The following BCL9L variants were observed in gnomAD, a reference collection of about 807,000 sequenced individuals.
BCL9L encodes BCL9 like.
A neutral mutation model predicts 99.4 loss-of-function variants in BCL9L; 19 were observed. The observed-to-expected ratio is 0.19, with a 90% CI of 0.13 to 0.28. The LOEUF is 0.28. Among genes scored for constraint, BCL9L ranks in the 10% least tolerant of loss-of-function variants. BCL9L has a pLI of 1.00. For synonymous variants in BCL9L, 900 were observed against 854.8 expected, an observed-to-expected ratio of 1.05 and a Z score of -0.92; for missense variants, 2,023 against 2,101.6, an observed-to-expected ratio of 0.96 and a Z score of 0.73.
rs763864247 is a variant in BCL9L, at chr11:118,909,878, C to G, written c.26+36G>C. ...TGGGCCCTTCCCTTCCCGCACTCCACACACACACATCCCACCCGCCACGAC... is the reference window on the plus strand; with the variant it reads ...TGGGCCCTTCCCTTCCCGCACTCCAGACACACACATCCCACCCGCCACGAC... On this transcript the variant is annotated intron_variant, in intron 3 of 9. Coordinates refer to ENST00000683865, the MANE Select transcript of BCL9L (RefSeq NM_001378213.1). 1.9e-6 allele frequency: 3 copies of G among 1,613,806 alleles called. No individual in the cohort carries two copies. The South Asian group carries it at 3.3e-5, about 18-fold the overall frequency.
chr11:118,925,719 G>A lies in BCL9L; in HGVS notation c.-612C>T, dbSNP rs1309167705. 6.6e-6 allele frequency: 1 copy of A among 150,722 alleles called. No individual in the cohort carries two copies. Among genetic ancestry groups the A allele is most frequent in the African/African-American group, 2.4e-5 (1 of 41,206 alleles). The allele number at this position is 150,722 out of a possible 1,614,324, so 9.3% of individuals were successfully genotyped here. ...TGTTGGTCGGACTCCGAGGGTCCGG[G>A]TCACAGCCCCCGGGCGGCGCGGCGC... is the stretch of plus-strand genomic sequence containing the variant. On this transcript the variant is annotated 5_prime_UTR_variant, in exon 1 of 10. Coordinates refer to ENST00000683865, the MANE Select transcript of BCL9L (RefSeq NM_001378213.1). This position sits in a 1 kb window ranked among gnomAD's most constrained non-coding sequence, Gnocchi z 6.4.
intron 2 of BCL9L, among the ~76,000 whole-genome samples, chr11:118,913,977 C>T (rs1049028583): frequency 2.6e-5 from 4 of 152,146 alleles, no homozygotes; most frequent in Non-Finnish European, 5.9e-5. Context: ...TTAGCCCCAC[C>T]GGCCCAAATA....
In BCL9L at chr11:118,902,635, C is replaced by T. The variant is rs769198464; in HGVS notation, c.1108G>A (p.Asp370Asn). The change falls in exon 8 of 10, where the codon GAC becomes AAC. Residue 370 changes from aspartate (D) to asparagine (N), a missense_variant. Physicochemically the swap from Asp to Asn is conservative, Grantham distance 23. This residue lies in a region of BCL9L where 1,116 missense variants were observed against 1,194.6 expected (regional missense o/e 0.93). Transcript: ENST00000683865. The surrounding 1 kb of genome is among the most constrained non-coding windows in gnomAD (Gnocchi z 7.8). ...TANNPLPPGG[D>N]PSSAPGPALL... ...GCAGGGCCGGGGGCACTGCTGGGGTCTCCTCCAGGAGGCAGAGGGTTGTTG... is the reference window on the plus strand; with the variant it reads ...GCAGGGCCGGGGGCACTGCTGGGGTTTCCTCCAGGAGGCAGAGGGTTGTTG... 2.5e-6 allele frequency: 4 copies of T among 1,599,640 alleles called. No individual in the cohort carries two copies. In the Admixed American group the frequency reaches 5.0e-5, roughly 20 times the overall value.
At position 118,901,020 on chromosome 11, in the gene BCL9L, C is replaced by A; in HGVS notation, c.2723G>T (p.Arg908Leu). Reference protein sequence around the residue: ...PPGTVHSAPNRGLGRRPSDLT... With the variant: ...PPGTVHSAPNLGLGRRPSDLT... ...GTCCGAAGGCCGCCTGCCTAGCCCC[C>A]GGTTTGGGGCTGAATGCACGGTCCC... is the stretch of plus-strand genomic sequence containing the variant. Residue 908 changes from arginine (R) to leucine (L), a missense_variant, in exon 8 of 10, where the codon CGG becomes CTG. Coordinates refer to ENST00000683865, the MANE Select transcript of BCL9L (RefSeq NM_001378213.1). The surrounding 1 kb of genome is among the most constrained non-coding windows in gnomAD (Gnocchi z 6.6). 6.4e-7 allele frequency: 1 copy of A among 1,561,670 alleles called. No individual in the cohort carries two copies.
intron 2 of BCL9L, 61 bp from the exon 3 acceptor site, chr11:118,910,076 G>A: frequency 8.2e-7 from 1 of 1,225,118 alleles, no homozygotes. Context: ...CAGAGGGGGA[G>A]GGGAGAAGGG....
rs1940068217 is a variant in BCL9L at position 118,899,009 on chromosome 11, T to C, written c.3906A>G (p.Ala1302=). 8 of 1,613,700 alleles carry C rather than the reference T, an allele frequency of 5.0e-6. No individual in the cohort carries two copies. The highest frequency in any genetic ancestry group is 6.8e-6 in the Non-Finnish European group (8 of 1,179,964). The change falls in exon 10 of 10, where the codon GCA becomes GCG. Residue 1302 remains alanine (A), a synonymous_variant. Coordinates refer to ENST00000683865, the MANE Select transcript of BCL9L (RefSeq NM_001378213.1). The part of the protein sequence containing the change: ...AYPPGVLPGV[A]SVLNDPELSE... Reference sequence around the variant, plus strand: ...TCAGCTCGGGGTCGTTCAGCACTGATGCCACCCCAGGGAGCACACCCGGTG... The same window carrying C: ...TCAGCTCGGGGTCGTTCAGCACTGACGCCACCCCAGGGAGCACACCCGGTG...
Position 118,898,733 on chromosome 11 carries a change from A to G in BCL9L, c.4182T>C (p.Pro1394=), listed in dbSNP as rs7104819. Residue 1394 remains proline, a synonymous_variant, in exon 10 of 10, where the codon CCT becomes CCC. Transcript: ENST00000683865. ...TCCTGCCCAGCAAGGACATCTGTCC[A>G]GGGTGGCACATGGACATGTTGAGCC... ...QRGLNMSMCH[P]GQMSLLGRTG... 672,907 of 1,612,734 alleles carry G rather than the reference A, an allele frequency of 0.42. 144,976 individuals carry two copies. Among genetic ancestry groups the G allele is most frequent in the African/African-American group, 0.64 (48,048 of 74,974 alleles).
At chr11:118,907,708 G>A (rs1266201783) in intron 4 of BCL9L, 106 bp from the exon 5 acceptor site, 6 of 1,514,554 alleles carry the variant, frequency 4.0e-6, no homozygotes, top group Non-Finnish European at 5.3e-6. Context: ...CACCCTAGAG[G>A]GCACTGCCCA....
chr11:118,898,294 G>GCCCCCACCCCCCC lies in BCL9L; in HGVS notation c.*120_*121insGGGGGGGTGGGGG. ...TCCACAAATGCCACTCCCTACACAA[G>GCCCCCACCCCCCC]CCCCCTCCCACCCCCTCCACCCCAC... On this transcript the variant is annotated 3_prime_UTR_variant, in exon 10 of 10. Coordinates refer to ENST00000683865, the MANE Select transcript of BCL9L (RefSeq NM_001378213.1). The GCCCCCACCCCCCC allele has an allele frequency of 8.8e-6, 4 of 452,312 alleles. 1 individual carries two copies. The highest frequency in any genetic ancestry group is 1.6e-5 in the Non-Finnish European group (4 of 244,762). The allele number at this position is 452,312 out of a possible 1,614,324, so 28.0% of individuals were successfully genotyped here.
chr11:118,904,150 A>G (rs1940406152), intron 5 of BCL9L, among the ~76,000 whole-genome samples: 1 of 152,214 alleles, frequency 6.6e-6, no homozygotes, highest in Non-Finnish European at 1.5e-5. Flanking sequence ...ATCCATTTGA[A>G]AAACAGAGAG....
rs1940387418 is a variant in BCL9L, at chr11:118,903,632, G to C, written c.533-180C>G. On this transcript the variant is annotated intron_variant, in intron 5 of 9. Transcript: ENST00000683865. This position sits in a 1 kb window ranked among gnomAD's most constrained non-coding sequence, Gnocchi z 5.6. ...ATGGCAAGAGTGGTGACCATGTGGA[G>C]AGCAGGGACAGAGAAAATGTGTCCT... is the stretch of plus-strand genomic sequence containing the variant. Among the ~76,000 whole-genome samples the C allele has an allele frequency of 6.6e-6, 1 of 152,260 alleles. No homozygotes were observed. Among genetic ancestry groups the C allele is most frequent in the Admixed American group, 6.5e-5 (1 of 15,284 alleles).
Position 118,901,224 on chromosome 11 carries a change from T to C in BCL9L, c.2519A>G (p.Gln840Arg), listed in dbSNP as rs751516601. The part of the protein sequence containing the change: ...GGPQKMLMPS[Q>R]FPNQGQQGFS... ...TCCCTGCTGGCCCTGGTTGGGAAAC[T>C]GTGAAGGCATCAGCATCTTCTGCGG... Residue 840 changes from glutamine (Q) to arginine (R), a missense_variant, in exon 8 of 10, where the codon CAG (glutamine) becomes CGG (arginine). By Grantham distance (43) the Gln-to-Arg change is conservative. Coordinates refer to ENST00000683865, the MANE Select transcript of BCL9L (RefSeq NM_001378213.1). This position sits in a 1 kb window ranked among gnomAD's most constrained non-coding sequence, Gnocchi z 6.6. 18 of 1,613,780 alleles carry C rather than the reference T, an allele frequency of 1.1e-5. No homozygotes were observed. The East Asian group carries it at 3.6e-4, about 32-fold the overall frequency.
chr11:118,905,411 AAGC>A (rs377211792), intron 5 of BCL9L, among the ~76,000 whole-genome samples: 6 of 151,852 alleles, frequency 4.0e-5, no homozygotes, highest in African/African-American at 1.4e-4. Flanking sequence ...TGGGAGGCTG[AAGC>A]AGGAGAATTA....
chr11:118,902,130 A>G lies in BCL9L; in HGVS notation c.1613T>C (p.Ile538Thr), dbSNP rs1940277297. 1.2e-6 allele frequency: 2 copies of G among 1,613,754 alleles called. No homozygotes were observed. The highest frequency in any genetic ancestry group is 1.3e-5 in the African/African-American group (1 of 74,826). Reference sequence around the variant, plus strand: ...CAGAGGACGGCTCCCATGCAGCCCAATCTGTTCCTCTTTCCGCCGTTTCTC... The same window carrying G: ...CAGAGGACGGCTCCCATGCAGCCCAGTCTGTTCCTCTTTCCGCCGTTTCTC... ...YEEKRRKEEQ[I>T]GLHGSRPLQD... The change falls in exon 8 of 10, where the codon ATT (isoleucine) becomes ACT (threonine). Residue 538 changes from isoleucine to threonine, a missense_variant. Transcript: ENST00000683865. The surrounding 1 kb of genome is among the most constrained non-coding windows in gnomAD (Gnocchi z 7.8).
At chr11:118,923,627 C>A (rs965810139) in intron 1 of BCL9L, among the ~76,000 whole-genome samples, 1 of 152,156 alleles carries the variant, frequency 6.6e-6, no homozygotes, top group Non-Finnish European at 1.5e-5. Context: ...CTACTCCAGG[C>A]ACAAGAGTCA....
rs774747102 is a variant in BCL9L, at chr11:118,902,823, G to A, written c.920C>T (p.Pro307Leu). The change falls in exon 8 of 10, where the codon CCG (proline) becomes CTG (leucine). Residue 307 changes from proline (P) to leucine (L), a missense_variant. Around this residue, in one of 3 missense-constraint regions of BCL9L, gnomAD observed 1,116 missense variants for 1,194.6 expected, o/e 0.93. Coordinates refer to ENST00000683865, the MANE Select transcript of BCL9L (RefSeq NM_001378213.1). The surrounding 1 kb of genome is among the most constrained non-coding windows in gnomAD (Gnocchi z 7.8). ...GTPQSQPPPLPPPPPPAPGSA... is the reference protein window; with the variant it reads ...GTPQSQPPPLLPPPPPAPGSA... ...GCCAGGGGCCGGGGGTGGCGGCGGCGGCAGTGGAGGTGGCTGGGACTGCGG... is the reference window on the plus strand; with the variant it reads ...GCCAGGGGCCGGGGGTGGCGGCGGCAGCAGTGGAGGTGGCTGGGACTGCGG... 16 of 1,549,916 alleles carry A rather than the reference G, an allele frequency of 1.0e-5. No individual in the cohort carries two copies. Among genetic ancestry groups the A allele is most frequent in the Admixed American group, 1.8e-5 (1 of 54,888 alleles).
chr11:118,896,759 A>G lies in BCL9L; in HGVS notation c.*1656T>C, dbSNP rs1161113937. On this transcript the variant is annotated 3_prime_UTR_variant, in exon 10 of 10. Transcript: ENST00000683865. ...GCCCTCCAGGCCAGGAAGGCTAGGGACGGGTCCTGGTAGAAGACACCCTGT... is the reference window on the plus strand; with the variant it reads ...GCCCTCCAGGCCAGGAAGGCTAGGGGCGGGTCCTGGTAGAAGACACCCTGT... 1 of 152,754 alleles carries G rather than the reference A, an allele frequency of 6.5e-6. No homozygotes were observed. The highest frequency in any genetic ancestry group is 1.5e-5 in the Non-Finnish European group (1 of 68,092). The allele number at this position is 152,754 out of a possible 1,614,324, so 9.5% of individuals were successfully genotyped here.
chr11:118,908,733 T>G, intron 3 of BCL9L, 78 bp from the exon 4 acceptor site: 1 of 1,303,168 alleles, frequency 7.7e-7, no homozygotes, highest in East Asian at 2.4e-5. Flanking sequence ...TACCCCATCC[T>G]GCCTCCCCTA....
In BCL9L at chr11:118,908,613, C is replaced by T. The variant is rs751744069; in HGVS notation, c.69G>A (p.Pro23=). The part of the protein sequence containing the change: ...PRRREAPGSP[P]LSPRGHCPPA... ...GGGGGCAATGACCGCGGGGGGACAGCGGCGGGCTCCCTGGAGCTTCTCTCC... is the reference window on the plus strand; with the variant it reads ...GGGGGCAATGACCGCGGGGGGACAGTGGCGGGCTCCCTGGAGCTTCTCTCC... The change falls in exon 4 of 10, where the codon CCG becomes CCA. Residue 23 remains proline (P), a synonymous_variant. Transcript: ENST00000683865. 8.7e-6 allele frequency: 14 copies of T among 1,612,474 alleles called. No homozygotes were observed. The highest frequency in any genetic ancestry group is 1.2e-5 in the Non-Finnish European group (14 of 1,179,758).
Sources: allele counts gnomAD v4.1 joint callset (sites outside exome capture counted in the v4.1 genomes callset), GRCh38; gene constraint gnomAD v4.1.1; regional missense constraint gnomAD v4.1.1; non-coding constraint Gnocchi (gnomAD v3.1); transcripts MANE v1.5; gene names NCBI Gene and HGNC (gene_info 2026-07-23, HGNC 2026-07-21).